The following SNX10 variants were observed in gnomAD, a reference collection of about 807,000 sequenced individuals.
The protein encoded by SNX10 is sorting nexin-10.
A neutral mutation model predicts 28.5 loss-of-function variants in SNX10; 25 were observed. That is an observed-to-expected ratio of 0.88 (90% confidence interval 0.64 to 1.22). The LOEUF (loss-of-function observed/expected upper bound fraction) is 1.22, where lower values mean the gene tolerates loss of function less well. SNX10 is among the 50% of genes most tolerant of loss of function. SNX10 has a pLI of 0.00. For missense variants in SNX10, 223 were observed against 242.6 expected (o/e 0.92, Z 0.54); for synonymous variants, 62 against 81.4 (o/e 0.76, Z 1.28).
intron 2 of SNX10, among the ~76,000 whole-genome samples, chr7:26,355,456 A>G (rs550019620): frequency 6.6e-6 from 1 of 152,328 alleles, no homozygotes; most frequent in East Asian, 1.9e-4. Context: ...ATTTATGAAC[A>G]TAGTGTGTCT....
chr7:26,305,131 G>C, intron 1 of SNX10, among the ~76,000 whole-genome samples: 1 of 152,090 alleles, frequency 6.6e-6, no homozygotes, highest in Non-Finnish European at 1.5e-5. Context: ...GACTTCACTG[G>C]AGTCCCCTGT....
chr7:26,347,505 A>G (rs1181306159), intron 2 of SNX10, among the ~76,000 whole-genome samples: 1 of 152,186 alleles, frequency 6.6e-6, no homozygotes, highest in African/African-American at 2.4e-5. Context: ...ACGCCACCAC[A>G]CTTCAGCCCC....
At chr7:26,344,270 C>T (rs1252213294) in intron 1 of SNX10, among the ~76,000 whole-genome samples, 1 of 151,274 alleles carries the variant, frequency 6.6e-6, no homozygotes, top group Non-Finnish European at 1.5e-5. Context: ...TTCCCAGGCT[C>T]AAGTGATCCT....
chr7:26,351,646 GTTTTTTTTTTTTGTT>G (rs926436537), intron 2 of SNX10, among the ~76,000 whole-genome samples: 1 of 112,636 alleles, frequency 8.9e-6, no homozygotes, highest in African/African-American at 3.2e-5. Flanking sequence ...AAGCAGTCTG[GTTTTTTTTTTTTGTT>G]TTTTTTTTTT....
Position 26,320,981 on chromosome 7 carries a change from T to C in SNX10, c.-23-25439T>C, listed in dbSNP as rs139358820. Among the ~76,000 whole-genome samples, 14 of 152,298 alleles carry C rather than the reference T, an allele frequency of 9.2e-5. No individual in the cohort carries two copies. In the South Asian group the frequency reaches 2.9e-3, roughly 32 times the overall value. ...TAACTCTTCCAGTTATAAACATGGC[T>C]CAGTGAGCAGCTGACACATGTGGCT... On this transcript the variant is annotated intron_variant, in intron 1 of 6. Coordinates refer to ENST00000338523, the MANE Select transcript of SNX10 (RefSeq NM_013322.3).
chr7:26,316,144 A>G (rs1383787567), intron 1 of SNX10, among the ~76,000 whole-genome samples: 1 of 150,424 alleles, frequency 6.6e-6, no homozygotes, highest in Non-Finnish European at 1.5e-5. Context: ...AGATCGCACC[A>G]CTGCACTCCA....
intron 1 of SNX10, among the ~76,000 whole-genome samples, chr7:26,315,714 A>G (rs1206053598): frequency 6.6e-6 from 1 of 152,128 alleles, no homozygotes; most frequent in African/African-American, 2.4e-5. Context: ...TTAAAACTGC[A>G]AGATAGCGAA....
chr7:26,334,727 A>G (rs1317881555), intron 1 of SNX10, among the ~76,000 whole-genome samples: 1 of 152,244 alleles, frequency 6.6e-6, no homozygotes, highest in African/African-American at 2.4e-5. Context: ...CTTTAAAAAA[A>G]GATGTGCTGT....
At chr7:26,294,987 AC>A (rs1278454972) in intron 1 of SNX10, among the ~76,000 whole-genome samples, 8 of 152,346 alleles carry the variant, frequency 5.3e-5, no homozygotes, top group Admixed American at 4.6e-4. Flanking sequence ...ATTGATACTT[AC>A]ATTTATTTTT....
intron 1 of SNX10, among the ~76,000 whole-genome samples, chr7:26,321,838 G>A (rs1224854233): frequency 1.3e-5 from 2 of 151,744 alleles, no homozygotes; most frequent in Non-Finnish European, 2.9e-5. Context: ...CAAACTCCTG[G>A]CCTCAAGATA....
chr7:26,327,557 C>T (rs1422183530), intron 1 of SNX10, among the ~76,000 whole-genome samples: 1 of 152,046 alleles, frequency 6.6e-6, no homozygotes, highest in Non-Finnish European at 1.5e-5. Flanking sequence ...CATTTGCCTC[C>T]CTTTGTAACA....
rs1018824209 is a variant in SNX10 at position 26,364,520 on chromosome 7, A to G, written c.112-15A>G. On this transcript the variant is annotated splice_polypyrimidine_tract_variant and intron_variant, in intron 3 of 6. Transcript: ENST00000338523. The surrounding 1 kb of genome is among the most constrained non-coding windows in gnomAD (Gnocchi z 4.9). ...TTCCTCAGGTAAGACTCATTTTTCT[A>G]CTTTCTCTGTACAGACTAATAGCAT... 3.8e-6 allele frequency: 6 copies of G among 1,593,218 alleles called. No individual in the cohort carries two copies. Among genetic ancestry groups the G allele is most frequent in the East Asian group, 2.2e-5 (1 of 44,672 alleles).
intron 1 of SNX10, among the ~76,000 whole-genome samples, chr7:26,344,635 T>A (rs1788309917): frequency 6.6e-6 from 1 of 152,206 alleles, no homozygotes; most frequent in Non-Finnish European, 1.5e-5. Context: ...TTCCACATTA[T>A]AATTAGGAAG....
chr7:26,349,069 G>A (rs1251195660), intron 2 of SNX10, among the ~76,000 whole-genome samples: 1 of 152,224 alleles, frequency 6.6e-6, no homozygotes, highest in East Asian at 1.9e-4. Flanking sequence ...TCATATCCTA[G>A]TGTCTGGTTG....
At chr7:26,340,066 A>G (rs1378978230) in intron 1 of SNX10, among the ~76,000 whole-genome samples, 4 of 152,064 alleles carry the variant, frequency 2.6e-5, no homozygotes, top group Non-Finnish European at 4.4e-5. Context: ...ATTTGAAAAA[A>G]TATGTGATCC....
At chr7:26,323,743 A>G (rs1018531334) in intron 1 of SNX10, among the ~76,000 whole-genome samples, 1 of 152,230 alleles carries the variant, frequency 6.6e-6, no homozygotes, top group Non-Finnish European at 1.5e-5. Context: ...CAGAGTCATT[A>G]GGAGACTATC....
chr7:26,293,046 C>G (rs1299058900), intron 1 of SNX10: 1 of 152,288 alleles, frequency 6.6e-6, no homozygotes, highest in African/African-American at 2.4e-5. Context: ...GAAGCAGGGA[C>G]TGCTTGGATA....
intron 6 of SNX10, 77 bp from the exon 7 acceptor site, chr7:26,372,414 T>G (rs1789592501): frequency 4.4e-6 from 4 of 900,390 alleles, no homozygotes; most frequent in Non-Finnish European, 7.4e-6. Flanking sequence ...AAAGTTCTCC[T>G]CTGTTACTCA....
chr7:26,370,200 G>A (rs1454869421), intron 5 of SNX10, among the ~76,000 whole-genome samples: 3 of 152,214 alleles, frequency 2.0e-5, no homozygotes, highest in Non-Finnish European at 1.5e-5. Context: ...CAGACTTCAC[G>A]ATCCAAGTTC....
Sources: allele counts gnomAD v4.1 joint callset (sites outside exome capture counted in the v4.1 genomes callset), GRCh38; gene constraint gnomAD v4.1.1; non-coding constraint Gnocchi (gnomAD v3.1); transcripts MANE v1.5; gene names NCBI Gene and HGNC (gene_info 2026-07-23, HGNC 2026-07-21).